CHD6: variants seen among roughly 807,000 people sequenced by gnomAD.
CHD6 encodes ATP-dependent chromatin remodeler CHD6.
CHD6 carries 50 observed loss-of-function variants against 276.9 expected under a neutral mutation model. The ratio of observed to expected loss-of-function variants is 0.18; its 90% CI spans 0.14 to 0.23. The LOEUF (loss-of-function observed/expected upper bound fraction) is 0.23, where lower values mean the gene tolerates loss of function less well. Ranked by LOEUF, CHD6 falls within the 10% of genes least tolerant of loss-of-function variation. The probability of loss-of-function intolerance (pLI) is 1.00; values close to 1 mark genes in which losing one functional copy is unlikely to be tolerated. For missense variants in CHD6, 2,564 were observed against 3,365.8 expected, an observed-to-expected ratio of 0.76 and a Z score of 5.89; for synonymous variants, 1,173 against 1,229.3, an observed-to-expected ratio of 0.95 and a Z score of 0.96.
At chr20:41,442,594 T>A (rs1045466607) in intron 25 of CHD6, among the ~76,000 whole-genome samples, 3 of 152,126 alleles carry the variant, frequency 2.0e-5, no homozygotes, top group Non-Finnish European at 4.4e-5. Context: ...CCCTGAAAAG[T>A]GAACACTAGA....
chr20:41,497,324 C>T (rs2145891168), intron 8 of CHD6, 60 bp downstream of exon 8: 1 of 1,055,046 alleles, frequency 9.5e-7, no homozygotes, highest in Non-Finnish European at 1.5e-6. Context: ...GAAACGTAAA[C>T]ACAGTATTTA....
Position 41,483,424 on chromosome 20 carries a change from G to A in CHD6, c.2353C>T (p.Leu785Phe). The change falls in exon 16 of 37, where the codon CTT becomes TTT. Residue 785 changes from leucine to phenylalanine, a missense_variant. Leu to Phe is a conservative substitution (Grantham distance 22). Around this residue, in one of 7 missense-constraint regions of CHD6, gnomAD observed 457 missense variants for 889.0 expected, o/e 0.51. Transcript: ENST00000373233. ...LQAMIQAAGKLVLIDKLLPKL... is the reference protein window; with the variant it reads ...LQAMIQAAGKFVLIDKLLPKL... Reference sequence around the variant, plus strand: ...GGGAGTAGTTTATCAATCAACACAAGCTTTCCTGCTGCCTGAATCATGGCC... The same window carrying A: ...GGGAGTAGTTTATCAATCAACACAAACTTTCCTGCTGCCTGAATCATGGCC... 2 of 1,613,788 alleles carry A rather than the reference G, an allele frequency of 1.2e-6. No individual in the cohort carries two copies. Among genetic ancestry groups the A allele is most frequent in the Non-Finnish European group, 1.7e-6 (2 of 1,179,868 alleles).
chr20:41,524,468 C>T (rs2044479714), intron 3 of CHD6, among the ~76,000 whole-genome samples: 1 of 152,094 alleles, frequency 6.6e-6, no homozygotes, highest in Non-Finnish European at 1.5e-5. Flanking sequence ...ATTACTTCCT[C>T]TTAAGATGAA....
At chr20:41,445,126 A>C (rs2048024816) in intron 25 of CHD6, among the ~76,000 whole-genome samples, 1 of 152,238 alleles carries the variant, frequency 6.6e-6, no homozygotes. Context: ...CCAAGTGTTT[A>C]AAAAACCTCT....
At chr20:41,566,996 A>G (rs2045362371) in intron 1 of CHD6, among the ~76,000 whole-genome samples, 1 of 152,174 alleles carries the variant, frequency 6.6e-6, no homozygotes, top group Admixed American at 6.5e-5. Context: ...TTAGCTAACT[A>G]ACTAGTTCCA....
rs539039219 is a variant in CHD6 at position 41,405,381 on chromosome 20, G to C, written c.7360C>G (p.Pro2454Ala). ...RRPRSELLKA[P>A]SIVADSPSGM... ...GAGGGAGAGTCTGCCACAATGGAAG[G>C]AGCCTTCAGGAGTTCGCTCCGAGGC... Residue 2454 changes from proline to alanine, a missense_variant, in exon 37 of 37, where the codon CCT becomes GCT. Coordinates refer to ENST00000373233, the MANE Select transcript of CHD6 (RefSeq NM_032221.5). 3.1e-6 allele frequency: 5 copies of C among 1,614,052 alleles called. No individual in the cohort carries two copies. Among genetic ancestry groups the C allele is most frequent in the South Asian group, 1.1e-5 (1 of 91,088 alleles).
intron 16 of CHD6, among the ~76,000 whole-genome samples, chr20:41,482,867 A>G (rs2043325998): frequency 6.6e-6 from 1 of 152,196 alleles, no homozygotes; most frequent in Non-Finnish European, 1.5e-5. Flanking sequence ...GAGAAAGGAC[A>G]TAAAATATCC....
At chr20:41,559,347 T>G (rs1192591098) in intron 1 of CHD6, among the ~76,000 whole-genome samples, 1 of 152,092 alleles carries the variant, frequency 6.6e-6, no homozygotes, top group African/African-American at 2.4e-5. Context: ...AAGAAACAGG[T>G]TTAACTCTAT....
intron 1 of CHD6, chr20:41,564,053 C>G (rs201593747): frequency 1.3e-6 from 1 of 779,502 alleles, no homozygotes; most frequent in Non-Finnish European, 2.4e-6. Context: ...TGAACACAAG[C>G]GTTGTGGGAT....
At chr20:41,587,079 C>T (rs544093024) in intron 1 of CHD6, among the ~76,000 whole-genome samples, 1 of 152,134 alleles carries the variant, frequency 6.6e-6, no homozygotes, top group South Asian at 2.1e-4. Context: ...TCCAAAGAAT[C>T]TATAAAAAGA....
chr20:41,419,695 C>A (rs1158896205), intron 31 of CHD6, among the ~76,000 whole-genome samples: 1 of 151,512 alleles, frequency 6.6e-6, no homozygotes, highest in Non-Finnish European at 1.5e-5. Context: ...CCCCTCAGCA[C>A]CACAGTGGAC....
intron 30 of CHD6, among the ~76,000 whole-genome samples, 183 bp downstream of exon 30, chr20:41,423,309 G>A (rs543917851): frequency 6.6e-6 from 1 of 152,202 alleles, no homozygotes; most frequent in Non-Finnish European, 1.5e-5. Context: ...TTTTGGGAGA[G>A]AGATTTTATT....
At chr20:41,480,674 A>G (rs1341246493) in intron 16 of CHD6, among the ~76,000 whole-genome samples, 1 of 152,290 alleles carries the variant, frequency 6.6e-6, no homozygotes, top group South Asian at 2.1e-4. Flanking sequence ...ATATCAAGAA[A>G]TTACAACTAA....
At position 41,513,147 on chromosome 20, in the gene CHD6, G is replaced by A. The variant is rs1167299746; in HGVS notation, c.703-152C>T. 6.9e-6 allele frequency: 6 copies of A among 864,420 alleles called. No homozygotes were observed. The African/African-American group carries it at 1.0e-4, about 15-fold the overall frequency. The allele number at this position is 864,420 out of a possible 1,614,324, so 53.5% of individuals were successfully genotyped here. A position where few individuals can be genotyped will look rare whatever the true frequency, so the allele number is the denominator to read the frequency against. On this transcript the variant is annotated intron_variant, in intron 4 of 36. Transcript: ENST00000373233. ...CTTAAATACAACTCTTTTAATAAAA[G>A]GACTAAATTCAGTCAAAATGGGATC... is the stretch of plus-strand genomic sequence containing the variant.
At chr20:41,457,204 C>A (rs769444323) in intron 18 of CHD6, 60 bp downstream of exon 18, 39 of 1,557,240 alleles carry the variant, frequency 2.5e-5, no homozygotes, top group Non-Finnish European at 3.2e-5. Context: ...AGAAGAGAAG[C>A]CTGTCTGGGC....
chr20:41,610,331 C>T (rs2045873610), intron 1 of CHD6, among the ~76,000 whole-genome samples: 1 of 151,920 alleles, frequency 6.6e-6, no homozygotes, highest in South Asian at 2.1e-4. Context: ...AATATGCAAC[C>T]CCGAATGAAC....
intron 27 of CHD6, 28 bp from the exon 28 acceptor site, chr20:41,426,181 G>C: frequency 7.2e-6 from 11 of 1,531,142 alleles, no homozygotes; most frequent in Non-Finnish European, 1.0e-5. Flanking sequence ...CATCCCATCA[G>C]CAAAACTGCA....
In CHD6 at chr20:41,402,308, A is replaced by G; in HGVS notation, c.*2285T>C. ...GTGCCTTACAGAGCAAATAATCCAC[A>G]GAGTGTCATATTCATTTTGCAAACA... is the stretch of plus-strand genomic sequence containing the variant. On this transcript the variant is annotated 3_prime_UTR_variant, in exon 37 of 37. Coordinates refer to ENST00000373233, the MANE Select transcript of CHD6 (RefSeq NM_032221.5). 4.4e-6 allele frequency: 1 copy of G among 226,324 alleles called. No individual in the cohort carries two copies. The highest frequency in any genetic ancestry group is 8.8e-6 in the Non-Finnish European group (1 of 113,720). The allele number at this position is 226,324 out of a possible 1,614,324, so 14.0% of individuals were successfully genotyped here. A position where few individuals can be genotyped will look rare whatever the true frequency, so the allele number is the denominator to read the frequency against.
intron 1 of CHD6, 144 bp from the exon 2 acceptor site, chr20:41,551,504 C>T (rs6072418): frequency 5.5e-6 from 3 of 548,736 alleles, no homozygotes; most frequent in Non-Finnish European, 9.6e-6. Context: ...CCTCCAGAGC[C>T]GTAAGTGTAC....
Sources: gnomAD v4.1 joint callset for allele counts (sites outside exome capture counted in the v4.1 genomes callset) on GRCh38, gnomAD v4.1.1 for gene constraint, gnomAD v4.1.1 regional missense constraint, MANE v1.5 for transcripts, NCBI Gene and HGNC (gene_info 2026-07-23, HGNC 2026-07-21) for gene names.